MMRN1: variants seen among roughly 807,000 people sequenced by gnomAD.
MMRN1 encodes multimerin-1.
In MMRN1, 94 loss-of-function variants were observed where a neutral mutation model predicts 100.7. The observed-to-expected ratio is 0.93, with a 90% CI of 0.79 to 1.11. The LOEUF (loss-of-function observed/expected upper bound fraction) is 1.11, where lower values mean the gene tolerates loss of function less well. MMRN1 is among the 50% of genes least tolerant of loss of function. The probability of loss-of-function intolerance (pLI) is 0.00; values close to 1 mark genes in which losing one functional copy is unlikely to be tolerated. For synonymous variants in MMRN1, 575 were observed against 505.0 expected, an observed-to-expected ratio of 1.14 and a Z score of -1.86; for missense variants, 1,606 against 1,439.1, an observed-to-expected ratio of 1.12 and a Z score of -1.88.
At chr4:89,905,323 C>A (rs1261732651) in intron 1 of MMRN1, among the ~76,000 whole-genome samples, 2 of 151,342 alleles carry the variant, frequency 1.3e-5, no homozygotes, top group Non-Finnish European at 3.0e-5. Flanking sequence ...TAGTATTTTT[C>A]ATGAGGTAAA....
chr4:89,898,099 A>G (rs986127596), intron 1 of MMRN1, among the ~76,000 whole-genome samples: 3 of 152,142 alleles, frequency 2.0e-5, no homozygotes, highest in African/African-American at 7.2e-5. Flanking sequence ...CAATGGCATT[A>G]GAGAAAAGCC....
At chr4:89,930,223 C>G (rs564236008) in intron 5 of MMRN1, among the ~76,000 whole-genome samples, 1 of 152,174 alleles carries the variant, frequency 6.6e-6, no homozygotes, top group Admixed American at 6.5e-5. Context: ...GAAATGTTAC[C>G]TGAAAAGCTT....
intron 7 of MMRN1, among the ~76,000 whole-genome samples, chr4:89,952,084 C>A (rs915267357): frequency 6.6e-6 from 1 of 152,086 alleles, no homozygotes; most frequent in Non-Finnish European, 1.5e-5. Context: ...GAAACACTTT[C>A]TCCTCAAACA....
At chr4:89,905,331 A>G (rs547722291) in intron 1 of MMRN1, among the ~76,000 whole-genome samples, 1 of 151,492 alleles carries the variant, frequency 6.6e-6, no homozygotes, top group Admixed American at 6.6e-5. Flanking sequence ...TTCATGAGGT[A>G]AATTAGGAAT....
upstream of MMRN1, among the ~76,000 whole-genome samples, chr4:89,891,815 T>C (rs904963618): frequency 6.6e-6 from 1 of 151,948 alleles, no homozygotes; most frequent in African/African-American, 2.4e-5. Flanking sequence ...TTTAAGAAAA[T>C]AGGAATTTCT....
chr4:89,890,948 C>T (rs1721041648), upstream of MMRN1, among the ~76,000 whole-genome samples: 1 of 151,860 alleles, frequency 6.6e-6, no homozygotes, highest in South Asian at 2.1e-4. Context: ...AATTGTCCAT[C>T]TTCCCTTTCC....
Position 89,951,614 on chromosome 4 carries a change from C to A in MMRN1, c.3128C>A (p.Ser1043Ter). The A allele has an allele frequency of 6.6e-7, 1 of 1,508,534 alleles. No individual in the cohort carries two copies. The highest frequency in any genetic ancestry group is 8.8e-7 in the Non-Finnish European group (1 of 1,132,060). 93.4% of individuals were successfully genotyped at this position (1,508,534 alleles called of 1,614,324 possible). ...TCTTTTTCCGTAACAGAGGAGTATTCAAGCTGTAGTCGGCATCCGTGCCAA... is the reference window on the plus strand; with the variant it reads ...TCTTTTTCCGTAACAGAGGAGTATTAAAGCTGTAGTCGGCATCCGTGCCAA... The part of the protein sequence containing the change: ...TDNIIYPEEY[S>*]SCSRHPCQNG... The change falls in exon 7 of 8, where the codon TCA becomes TAA. Residue 1043 changes from serine (S) to a stop codon, truncating the protein, a stop_gained. Transcript: ENST00000264790. LOFTEE classifies it high-confidence loss of function.
intron 6 of MMRN1, 155 bp from the exon 7 acceptor site, chr4:89,951,450 C>G: frequency 1.6e-6 from 1 of 643,752 alleles, no homozygotes; most frequent in Non-Finnish European, 2.4e-6. Context: ...TGCATGACGT[C>G]CTGTGCCCAG....
intron 3 of MMRN1, among the ~76,000 whole-genome samples, chr4:89,916,957 T>C (rs531824581): frequency 6.6e-6 from 1 of 151,898 alleles, no homozygotes; most frequent in African/African-American, 2.4e-5. Context: ...CTCACCTAGG[T>C]AAATTTTTAC....
intron 5 of MMRN1, among the ~76,000 whole-genome samples, chr4:89,928,652 A>G (rs376329295): frequency 2.5e-4 from 38 of 151,988 alleles, no homozygotes; most frequent in African/African-American, 8.2e-4. Flanking sequence ...GATGTCTGTA[A>G]ACTGAGGCCC....
At position 89,935,245 on chromosome 4, in the gene MMRN1, C is replaced by A. The variant is rs957456860; in HGVS notation, c.1565C>A (p.Ser522Ter). 2 of 1,613,722 alleles carry A rather than the reference C, an allele frequency of 1.2e-6. No homozygotes were observed. Among genetic ancestry groups the A allele is most frequent in the East Asian group, 2.2e-5 (1 of 44,840 alleles). ...KLKEVHEQLL[S>*]TEQVSDQKNA... ...AAGGAAGTACATGAGCAGCTTTTAT[C>A]AACTGAACAGGTATCAGACCAGAAG... The change falls in exon 6 of 8, where the codon TCA becomes TAA. Residue 522 changes from serine to a stop codon, truncating the protein, a stop_gained. Coordinates refer to ENST00000264790, the MANE Select transcript of MMRN1 (RefSeq NM_007351.3). LOFTEE classifies it high-confidence loss of function.
intron 6 of MMRN1, among the ~76,000 whole-genome samples, chr4:89,943,411 GGATCTTT>G: frequency 6.6e-6 from 1 of 152,106 alleles, no homozygotes; most frequent in African/African-American, 2.4e-5. Context: ...TACCTCAAGA[GGATCTTT>G]GTAAAACACT....
Position 89,936,448 on chromosome 4 carries a change from C to T in MMRN1, c.2768C>T (p.Thr923Ile), listed in dbSNP as rs776154307. ...LSINFFSLNK[T>I]LHEVLTMCHN... The stretch of plus-strand genomic sequence containing the variant: ...ATTAACTTCTTTTCGCTTAACAAAA[C>T]TCTCCACGAAGTTTTAACAATGTGT... The change falls in exon 6 of 8, where the codon ACT (threonine) becomes ATT (isoleucine). Residue 923 changes from threonine to isoleucine, a missense_variant. By Grantham distance (89) the Thr-to-Ile change is moderately conservative. Coordinates refer to ENST00000264790, the MANE Select transcript of MMRN1 (RefSeq NM_007351.3). The T allele has an allele frequency of 6.2e-6, 10 of 1,612,268 alleles. No homozygotes were observed. Among genetic ancestry groups the T allele is most frequent in the Non-Finnish European group, 8.5e-6 (10 of 1,179,396 alleles).
Position 89,895,593 on chromosome 4 carries a change from A to T in MMRN1, c.622A>T (p.Lys208Ter), listed in dbSNP as rs777196093. The change falls in exon 1 of 8, where the codon AAG (lysine) becomes TAG (stop). Residue 208 changes from lysine (K) to a stop codon, truncating the protein, a stop_gained and splice_region_variant. Transcript: ENST00000264790. LOFTEE classifies it high-confidence loss of function. ...QKSNFETTRG[K>*]NWCAYVHTRL... is the part of the protein sequence containing the mutation. ...ATCAAATTTCGAAACAACTAGAGGA[A>T]AGTAAGAAATCTTCTTTTCTTTTTG... is the stretch of plus-strand genomic sequence containing the variant. 5.0e-6 allele frequency: 8 copies of T among 1,611,820 alleles called. No homozygotes were observed. The Middle Eastern group carries it at 8.3e-4, about 167-fold the overall frequency.
In MMRN1 at chr4:89,951,650, C is replaced by G. The variant is rs754049453; in HGVS notation, c.3164C>G (p.Thr1055Arg). The change falls in exon 7 of 8, where the codon ACG becomes AGG. Residue 1055 changes from threonine (T) to arginine (R), a missense_variant. Coordinates refer to ENST00000264790, the MANE Select transcript of MMRN1 (RefSeq NM_007351.3). ...CGGCATCCGTGCCAAAATGGGGGCA[C>G]GTGCATAAATGGAAGAACTAGCTTT... ...CSRHPCQNGGTCINGRTSFTC... is the reference protein window; with the variant it reads ...CSRHPCQNGGRCINGRTSFTC... 6.4e-7 allele frequency: 1 copy of G among 1,562,844 alleles called. No homozygotes were observed. Among genetic ancestry groups the G allele is most frequent in the Non-Finnish European group, 8.6e-7 (1 of 1,160,016 alleles).
At chr4:89,915,651 C>T (rs569315730) in intron 3 of MMRN1, among the ~76,000 whole-genome samples, 2 of 151,634 alleles carry the variant, frequency 1.3e-5, no homozygotes, top group Admixed American at 1.3e-4. Flanking sequence ...TAGACACTTG[C>T]TGACCTTGCT....
At chr4:89,906,385 A>G (rs1447792720) in intron 1 of MMRN1, among the ~76,000 whole-genome samples, 1 of 151,536 alleles carries the variant, frequency 6.6e-6, no homozygotes, top group Non-Finnish European at 1.5e-5. Flanking sequence ...GGAAAATCCA[A>G]AGAATCAATA....
At chr4:89,941,858 A>G (rs1722840247) in intron 6 of MMRN1, among the ~76,000 whole-genome samples, 1 of 152,184 alleles carries the variant, frequency 6.6e-6, no homozygotes, top group Non-Finnish European at 1.5e-5. Context: ...AATAAAACAT[A>G]TCAGTGTTGA....
intron 7 of MMRN1, 84 bp downstream of exon 7, chr4:89,951,835 T>C: frequency 6.9e-7 from 1 of 1,453,760 alleles, no homozygotes; most frequent in Non-Finnish European, 9.4e-7. Flanking sequence ...AATGAATATT[T>C]AAGCCTGCTT....
Sources: gnomAD v4.1 joint callset for allele counts (sites outside exome capture counted in the v4.1 genomes callset) on GRCh38, gnomAD v4.1.1 for gene constraint, MANE v1.5 for transcripts, NCBI Gene and HGNC (gene_info 2026-07-23, HGNC 2026-07-21) for gene names.